The following LDLRAD3 variants were observed in gnomAD, a reference collection of about 807,000 sequenced individuals.
LDLRAD3 encodes low density lipoprotein receptor class A domain containing 3.
LDLRAD3 carries 20 observed loss-of-function variants against 29.4 expected under a neutral mutation model. The ratio of observed to expected loss-of-function variants is 0.68; its 90% CI spans 0.48 to 0.99. The LOEUF (loss-of-function observed/expected upper bound fraction) is 0.99, where lower values mean the gene tolerates loss of function less well. Among genes scored for constraint, LDLRAD3 ranks in the 50% least tolerant of loss-of-function variants. LDLRAD3 has a pLI of 0.00. For synonymous variants in LDLRAD3, 157 were observed against 192.7 expected, an observed-to-expected ratio of 0.81 and a Z score of 1.53; for missense variants, 420 against 454.3, an observed-to-expected ratio of 0.92 and a Z score of 0.69.
intron 1 of LDLRAD3, among the ~76,000 whole-genome samples, chr11:36,022,111 C>T (rs1037572073): frequency 1.3e-4 from 20 of 152,176 alleles, no homozygotes; most frequent in African/African-American, 3.4e-4. Flanking sequence ...ACTGAAAAAT[C>T]GTTTCCTAAT....
chr11:36,018,381 A>G (rs576859158), intron 1 of LDLRAD3, among the ~76,000 whole-genome samples: 1 of 152,322 alleles, frequency 6.6e-6, no homozygotes, highest in East Asian at 1.9e-4. Context: ...TGTTATAACA[A>G]GTTAGTATGA....
intron 4 of LDLRAD3, among the ~76,000 whole-genome samples, chr11:36,132,373 A>G (rs1411579933): frequency 1.3e-5 from 2 of 152,214 alleles, no homozygotes; most frequent in African/African-American, 2.4e-5. Context: ...ACATGCTTCA[A>G]TGATGTGTGA....
At chr11:36,186,213 A>T (rs933623941) in intron 4 of LDLRAD3, among the ~76,000 whole-genome samples, 1 of 152,226 alleles carries the variant, frequency 6.6e-6, no homozygotes, top group Non-Finnish European at 1.5e-5. Flanking sequence ...ATGAAGTGGA[A>T]ATAATGGTGG....
At chr11:36,002,237 G>T (rs1263363768) in intron 1 of LDLRAD3, among the ~76,000 whole-genome samples, 2 of 152,202 alleles carry the variant, frequency 1.3e-5, no homozygotes, top group East Asian at 3.9e-4. Context: ...GCTATTACTA[G>T]CATACACTTA....
chr11:36,108,667 G>C (rs888465990), intron 4 of LDLRAD3, among the ~76,000 whole-genome samples: 6 of 152,094 alleles, frequency 3.9e-5, no homozygotes, highest in African/African-American at 1.2e-4. Flanking sequence ...GATCCTTCCA[G>C]GCAGAGAGAA....
At chr11:36,037,908 GA>G in intron 2 of LDLRAD3, among the ~76,000 whole-genome samples, 1 of 152,226 alleles carries the variant, frequency 6.6e-6, no homozygotes, top group Admixed American at 6.5e-5. Flanking sequence ...TATTTTTGCA[GA>G]ATTGTTTGTT....
At chr11:36,133,058 T>A (rs1189543484) in intron 4 of LDLRAD3, among the ~76,000 whole-genome samples, 4 of 152,270 alleles carry the variant, frequency 2.6e-5, no homozygotes, top group Admixed American at 2.6e-4. Context: ...CCATGGTATG[T>A]GCTCATTAAA....
intron 4 of LDLRAD3, among the ~76,000 whole-genome samples, chr11:36,220,662 C>G (rs1056506329): frequency 6.6e-6 from 1 of 152,132 alleles, no homozygotes; most frequent in Non-Finnish European, 1.5e-5. Flanking sequence ...TAGGATTCCA[C>G]TTATATGGCT....
intron 5 of LDLRAD3, among the ~76,000 whole-genome samples, chr11:36,227,867 A>G (rs761366829): frequency 2.6e-5 from 4 of 152,226 alleles, no homozygotes; most frequent in African/African-American, 4.8e-5. Context: ...TGCCCAGTAC[A>G]TGTGAGAGGT....
intron 1 of LDLRAD3, among the ~76,000 whole-genome samples, chr11:36,035,159 G>A (rs1361378289): frequency 6.8e-6 from 1 of 147,342 alleles, no homozygotes; most frequent in Non-Finnish European, 1.5e-5. Flanking sequence ...GAGTTGTGGT[G>A]TGCTGAAGGA....
chr11:36,111,594 C>CTT (rs765774984), intron 4 of LDLRAD3, among the ~76,000 whole-genome samples: 4 of 142,012 alleles, frequency 2.8e-5, no homozygotes, highest in Admixed American at 7.0e-5. Flanking sequence ...TCTGTTTCAT[C>CTT]TTTTTTTTTT....
At chr11:35,956,162 T>C (rs1851198391) in intron 1 of LDLRAD3, among the ~76,000 whole-genome samples, 1 of 152,154 alleles carries the variant, frequency 6.6e-6, no homozygotes, top group African/African-American at 2.4e-5. Flanking sequence ...ATTTTTGTTA[T>C]ATATTATTAA....
chr11:35,946,696 C>T (rs1301085665), intron 1 of LDLRAD3, among the ~76,000 whole-genome samples: 1 of 152,184 alleles, frequency 6.6e-6, no homozygotes, highest in African/African-American at 2.4e-5. Flanking sequence ...TGACCTTTGC[C>T]TAGACTTCCT....
At chr11:36,223,121 A>C (rs1855451819) in intron 4 of LDLRAD3, among the ~76,000 whole-genome samples, 1 of 152,170 alleles carries the variant, frequency 6.6e-6, no homozygotes, top group South Asian at 2.1e-4. Flanking sequence ...TAGTTAATGA[A>C]TTAACACAAG....
At chr11:36,073,838 A>G (rs753622202) in intron 2 of LDLRAD3, among the ~76,000 whole-genome samples, 3 of 152,230 alleles carry the variant, frequency 2.0e-5, no homozygotes, top group African/African-American at 4.8e-5. Flanking sequence ...TCTTTCTCCC[A>G]TAAAACCTAG....
At chr11:36,227,053 C>A in intron 4 of LDLRAD3, 32 bp from the exon 5 acceptor site, 1 of 1,483,658 alleles carries the variant, frequency 6.7e-7, no homozygotes, top group Admixed American at 2.1e-5. Flanking sequence ...TGGTAACCTT[C>A]TCTCTTTTCT....
At chr11:36,006,529 G>A (rs1851887744) in intron 1 of LDLRAD3, among the ~76,000 whole-genome samples, 1 of 152,174 alleles carries the variant, frequency 6.6e-6, no homozygotes, top group African/African-American at 2.4e-5. Flanking sequence ...GGGCACCTTG[G>A]GCTCGCTGCC....
rs561096549 is a variant in LDLRAD3 at position 35,953,594 on chromosome 11, C to T, written c.46+9450C>T. Among the ~76,000 whole-genome samples, 4 of 152,256 alleles carry T rather than the reference C, an allele frequency of 2.6e-5. No individual in the cohort carries two copies. The South Asian group carries it at 6.2e-4, about 24-fold the overall frequency. ...AATCAGAGCAGTGTTCTCCAGGCGT[C>T]GTTAAACTAATTGGACATGGCTGAA... is the stretch of plus-strand genomic sequence containing the variant. On this transcript the variant is annotated intron_variant, in intron 1 of 5. Coordinates refer to ENST00000315571, the MANE Select transcript of LDLRAD3 (RefSeq NM_174902.4).
chr11:36,219,216 T>C (rs1855395193), intron 4 of LDLRAD3, among the ~76,000 whole-genome samples: 1 of 152,284 alleles, frequency 6.6e-6, no homozygotes. Flanking sequence ...TCATGGTCTA[T>C]ACCAAACTGT....
Sources: allele counts gnomAD v4.1 joint callset (sites outside exome capture counted in the v4.1 genomes callset), GRCh38; gene constraint gnomAD v4.1.1; transcripts MANE v1.5; gene names NCBI Gene and HGNC (gene_info 2026-07-23, HGNC 2026-07-21).